The following SEMA5A variants were observed in gnomAD, a reference collection of about 807,000 sequenced individuals.
SEMA5A encodes the protein semaphorin-5A.
SEMA5A carries 55 observed loss-of-function variants against 135.5 expected under a neutral mutation model. The ratio of observed to expected loss-of-function variants is 0.41; its 90% CI spans 0.33 to 0.51. The LOEUF (loss-of-function observed/expected upper bound fraction) is 0.51. Ranked by LOEUF, SEMA5A falls within the 20% of genes least tolerant of loss-of-function variation. The pLI, the probability that SEMA5A is intolerant of heterozygous loss-of-function variation, is 0.37. For synonymous variants in SEMA5A, 580 were observed against 546.5 expected, an observed-to-expected ratio of 1.06 and a Z score of -0.85; for missense variants, 1,290 against 1,419.9, an observed-to-expected ratio of 0.91 and a Z score of 1.47.
chr5:9,121,428 T>C (rs1740807440), intron 14 of SEMA5A, among the ~76,000 whole-genome samples: 1 of 152,228 alleles, frequency 6.6e-6, no homozygotes, highest in Admixed American at 6.5e-5. Flanking sequence ...CTAGTTGCAT[T>C]GCAGCTCTGC....
chr5:9,253,832 C>G (rs903637876), intron 5 of SEMA5A, among the ~76,000 whole-genome samples: 2 of 152,102 alleles, frequency 1.3e-5, no homozygotes, highest in African/African-American at 4.8e-5. Flanking sequence ...TAATGATGAG[C>G]CTCAAGAGAA....
At chr5:9,500,771 C>G (rs542986839) in intron 1 of SEMA5A, among the ~76,000 whole-genome samples, 1 of 152,220 alleles carries the variant, frequency 6.6e-6, no homozygotes, top group African/African-American at 2.4e-5. Flanking sequence ...GTGGTCTGTG[C>G]CTGGCTGCGG....
chr5:9,412,490 CTT>C (rs34854075), intron 2 of SEMA5A, among the ~76,000 whole-genome samples: 11,343 of 103,076 alleles, frequency 0.11, 516 homozygotes, highest in Middle Eastern at 0.15. Context: ...TACTTCATTG[CTT>C]TTTTTTTTTT....
chr5:9,306,658 C>T (rs1389641893), intron 5 of SEMA5A, among the ~76,000 whole-genome samples: 1 of 152,152 alleles, frequency 6.6e-6, no homozygotes, highest in Non-Finnish European at 1.5e-5. Flanking sequence ...AAGAGCAACT[C>T]TCCAGAGGAA....
At chr5:9,083,208 G>C (rs531650706) in intron 16 of SEMA5A, among the ~76,000 whole-genome samples, 1 of 152,156 alleles carries the variant, frequency 6.6e-6, no homozygotes, top group African/African-American at 2.4e-5. Flanking sequence ...TTGGCTCTCT[G>C]TGCTGGGATT....
intron 5 of SEMA5A, among the ~76,000 whole-genome samples, chr5:9,257,293 G>T (rs1432071577): frequency 2.0e-5 from 3 of 152,122 alleles, no homozygotes; most frequent in Admixed American, 1.3e-4. Context: ...GTCTTGTATT[G>T]GAGACATTTC....
intron 1 of SEMA5A, among the ~76,000 whole-genome samples, chr5:9,525,697 G>A (rs563245041): frequency 1.3e-5 from 2 of 152,178 alleles, no homozygotes; most frequent in Non-Finnish European, 2.9e-5. Context: ...TCCTGTCCCT[G>A]CTAAAATCCT....
intron 3 of SEMA5A, among the ~76,000 whole-genome samples, chr5:9,351,313 C>A (rs1754104356): frequency 6.6e-6 from 1 of 152,160 alleles, no homozygotes; most frequent in Admixed American, 6.5e-5. Context: ...TCTTAGGCAG[C>A]CAGCCTGTAC....
intron 1 of SEMA5A, among the ~76,000 whole-genome samples, chr5:9,476,894 T>C (rs1223984396): frequency 6.6e-6 from 1 of 151,284 alleles, no homozygotes. Context: ...CTAGGCAACA[T>C]AGCAAGACCA....
chr5:9,346,251 CG>C (rs34373924), intron 3 of SEMA5A, among the ~76,000 whole-genome samples: 23,517 of 151,992 alleles, frequency 0.15, 2,040 homozygotes, highest in Middle Eastern at 0.25. Flanking sequence ...CAGAGATGTC[CG>C]GACTCCAGGG....
chr5:9,376,706 G>A (rs917755921), intron 3 of SEMA5A, among the ~76,000 whole-genome samples: 6 of 152,130 alleles, frequency 3.9e-5, no homozygotes, highest in Middle Eastern at 3.4e-3. Flanking sequence ...GGTTCACTCC[G>A]AATTAAAAAC....
At chr5:9,243,305 C>CA (rs1212699037) in intron 5 of SEMA5A, among the ~76,000 whole-genome samples, 4 of 152,206 alleles carry the variant, frequency 2.6e-5, no homozygotes, top group Non-Finnish European at 5.9e-5. Flanking sequence ...ACCTCTGCCT[C>CA]ACTCATCGCA....
At chr5:9,452,365 C>T (rs977828326) in intron 1 of SEMA5A, among the ~76,000 whole-genome samples, 1 of 152,188 alleles carries the variant, frequency 6.6e-6, no homozygotes, top group Admixed American at 6.5e-5. Context: ...CACTGGAATT[C>T]CAAAGCTGCC....
intron 2 of SEMA5A, among the ~76,000 whole-genome samples, chr5:9,423,920 T>C (rs1399326521): frequency 6.6e-6 from 1 of 152,166 alleles, no homozygotes. Flanking sequence ...TTGACAAAAA[T>C]TCTCAGCAGG....
At chr5:9,119,526 G>T (rs2150178968) in intron 14 of SEMA5A, among the ~76,000 whole-genome samples, 1 of 152,240 alleles carries the variant, frequency 6.6e-6, no homozygotes, top group Non-Finnish European at 1.5e-5. Flanking sequence ...TTTTGGACTT[G>T]TATTATATCA....
At chr5:9,212,033 T>C (rs1232685376) in intron 8 of SEMA5A, among the ~76,000 whole-genome samples, 1 of 152,206 alleles carries the variant, frequency 6.6e-6, no homozygotes, top group East Asian at 1.9e-4. Flanking sequence ...CCAGCTGGTC[T>C]CTGAGTGTTA....
At chr5:9,080,160 A>T (rs1738294732) in intron 16 of SEMA5A, among the ~76,000 whole-genome samples, 1 of 152,220 alleles carries the variant, frequency 6.6e-6, no homozygotes, top group South Asian at 2.1e-4. Flanking sequence ...AATACCTATC[A>T]ATGACAGACT....
chr5:9,301,446 C>T (rs763355763), intron 5 of SEMA5A, among the ~76,000 whole-genome samples: 23 of 152,136 alleles, frequency 1.5e-4, no homozygotes, highest in Non-Finnish European at 2.8e-4. Flanking sequence ...AACTAGGTTA[C>T]GCCAAAAACA....
chr5:9,293,370 G>C (rs545016184), intron 5 of SEMA5A, among the ~76,000 whole-genome samples: 8 of 152,130 alleles, frequency 5.3e-5, no homozygotes, highest in African/African-American at 1.9e-4. Context: ...ACTTCTTAAG[G>C]GTTTAAGAAG....
Sources: gnomAD v4.1 joint callset for allele counts (sites outside exome capture counted in the v4.1 genomes callset) on GRCh38, gnomAD v4.1.1 for gene constraint, MANE v1.5 for transcripts, NCBI Gene and HGNC (gene_info 2026-07-23, HGNC 2026-07-21) for gene names.